RAB3C: variants seen among roughly 807,000 people sequenced by gnomAD.
RAB3C encodes ras-related protein Rab-3C.
Under a neutral mutation model 26.4 loss-of-function variants are expected in RAB3C, and 17 were observed. That is an observed-to-expected ratio of 0.64 (90% CI 0.44 to 0.97). The LOEUF (loss-of-function observed/expected upper bound fraction) is 0.97. Ranked by LOEUF, RAB3C falls within the 50% of genes least tolerant of loss-of-function variation. RAB3C has a pLI of 0.00. For missense variants in RAB3C, 242 were observed against 281.9 expected (o/e 0.86, Z 1.01); for synonymous variants, 91 against 95.9 (o/e 0.95, Z 0.30).
chr5:58,698,142 T>A (rs760752089), intron 2 of RAB3C, among the ~76,000 whole-genome samples: 7 of 152,168 alleles, frequency 4.6e-5, no homozygotes, highest in Non-Finnish European at 1.0e-4. Context: ...TCTCTGAGCA[T>A]TTGCTTGTCT....
intron 2 of RAB3C, among the ~76,000 whole-genome samples, chr5:58,668,191 C>T (rs10078211): frequency 0.17 from 25,906 of 152,116 alleles, 2,301 homozygotes; most frequent in African/African-American, 0.2. Flanking sequence ...TGTTAAAAAT[C>T]TGTCTGTGCT....
intron 4 of RAB3C, among the ~76,000 whole-genome samples, chr5:58,828,840 G>A (rs1743546644): frequency 1.1e-5 from 1 of 94,130 alleles, no homozygotes; most frequent in Non-Finnish European, 2.4e-5. Context: ...GTTTGGAGAG[G>A]GTAGGGAATT....
chr5:58,631,739 G>T (rs1260208480), intron 2 of RAB3C, among the ~76,000 whole-genome samples: 1 of 152,188 alleles, frequency 6.6e-6, no homozygotes, highest in East Asian at 1.9e-4. Flanking sequence ...GTTTTTTGGG[G>T]TTTTTCCTCT....
chr5:58,823,577 A>C (rs1247385320), intron 3 of RAB3C: 1 of 195,260 alleles, frequency 5.1e-6, no homozygotes, highest in African/African-American at 2.3e-5. Flanking sequence ...AAGAGAATCC[A>C]AACTATGAGA....
chr5:58,604,758 A>C (rs1746525044), intron 1 of RAB3C, among the ~76,000 whole-genome samples: 1 of 152,166 alleles, frequency 6.6e-6, no homozygotes, highest in East Asian at 1.9e-4. Context: ...AAAAGGCTTT[A>C]GTTCTTCCCC....
At chr5:58,690,678 G>C (rs1255328343) in intron 2 of RAB3C, among the ~76,000 whole-genome samples, 1 of 152,084 alleles carries the variant, frequency 6.6e-6, no homozygotes, top group African/African-American at 2.4e-5. Context: ...CCTCTGGAAA[G>C]TAAAAAACTT....
rs764970383 is a variant in RAB3C, at chr5:58,779,269, A to G, written c.372-45769A>G. Among the ~76,000 whole-genome samples the G allele has an allele frequency of 3.4e-4, 51 of 151,720 alleles. 1 individual carries two copies. Among genetic ancestry groups the G allele is most frequent in the Admixed American group, 1.1e-3 (17 of 15,206 alleles). On this transcript the variant is annotated intron_variant, in intron 3 of 4. Coordinates refer to ENST00000282878, the MANE Select transcript of RAB3C (RefSeq NM_138453.4). ...GCTCTAAGTATCTGTAACAACTCCA[A>G]AAAAGGAACTTGTAGACTTTTCAAG...
At chr5:58,724,625 C>G (rs1330789335) in intron 2 of RAB3C, among the ~76,000 whole-genome samples, 1 of 151,506 alleles carries the variant, frequency 6.6e-6, no homozygotes, top group Non-Finnish European at 1.5e-5. Flanking sequence ...TTTCTATAGT[C>G]AGATGCTGCT....
At chr5:58,823,658 G>A (rs1245457447) in intron 3 of RAB3C, 1 of 209,704 alleles carries the variant, frequency 4.8e-6, no homozygotes, top group Non-Finnish European at 1.0e-5. Context: ...AGAAAGATCA[G>A]GTAGCTCAAA....
chr5:58,653,039 G>A (rs189698792), intron 2 of RAB3C, among the ~76,000 whole-genome samples: 227 of 152,152 alleles, frequency 1.5e-3, no homozygotes, highest in African/African-American at 5.3e-3. Context: ...TGTTACATAG[G>A]TATACATGTG....
At chr5:58,637,720 A>G (rs571548876) in intron 2 of RAB3C, among the ~76,000 whole-genome samples, 2 of 152,274 alleles carry the variant, frequency 1.3e-5, no homozygotes, top group African/African-American at 4.8e-5. Flanking sequence ...AAAAGTACAT[A>G]TGTTCATTGT....
chr5:58,849,396 G>T (rs1166811860), intron 4 of RAB3C, among the ~76,000 whole-genome samples: 1 of 152,056 alleles, frequency 6.6e-6, no homozygotes, highest in Non-Finnish European at 1.5e-5. Flanking sequence ...TGATATCTTA[G>T]CAACAAGGAT....
At chr5:58,623,839 T>C (rs1470427885) in intron 2 of RAB3C, among the ~76,000 whole-genome samples, 2 of 152,144 alleles carry the variant, frequency 1.3e-5, no homozygotes, top group Non-Finnish European at 2.9e-5. Context: ...AGCAGGGACT[T>C]TGGAGTCTGG....
chr5:58,809,257 T>C (rs962848240), intron 3 of RAB3C, among the ~76,000 whole-genome samples: 8 of 152,148 alleles, frequency 5.3e-5, no homozygotes, highest in Non-Finnish European at 4.4e-5. Context: ...TGGAGAACTG[T>C]GGCTGTCTCT....
At chr5:58,730,523 ACTGGTCTCCAAGTG>A (rs1233726675) in intron 3 of RAB3C, among the ~76,000 whole-genome samples, 4 of 152,072 alleles carry the variant, frequency 2.6e-5, no homozygotes, top group African/African-American at 9.6e-5. Context: ...TCTTTAAATT[ACTGGTCTCCAAGTG>A]CTGATCTTAA....
intron 1 of RAB3C, among the ~76,000 whole-genome samples, chr5:58,602,724 G>C (rs544312773): frequency 6.6e-6 from 1 of 152,254 alleles, no homozygotes; most frequent in South Asian, 2.1e-4. Flanking sequence ...AAGTTTATGT[G>C]AGTCCTTATG....
chr5:58,827,912 A>G (rs2112063163), intron 4 of RAB3C, among the ~76,000 whole-genome samples: 1 of 152,334 alleles, frequency 6.6e-6, no homozygotes, highest in South Asian at 2.1e-4. Flanking sequence ...TTTATTCTTC[A>G]GAATACCATC....
chr5:58,837,081 C>G (rs1593028), intron 4 of RAB3C, among the ~76,000 whole-genome samples: 88,844 of 152,060 alleles, frequency 0.58, 26,167 homozygotes, highest in Middle Eastern at 0.71. Flanking sequence ...ATCCTAACTA[C>G]GGTGAGATAG....
At position 58,648,568 on chromosome 5, in the gene RAB3C, A is replaced by G. The variant is rs112762082; in HGVS notation, c.252+30698A>G. On this transcript the variant is annotated intron_variant, in intron 2 of 4. Coordinates refer to ENST00000282878, the MANE Select transcript of RAB3C (RefSeq NM_138453.4). ...TTCTCCTGTTTCTTGAAAAGATTTT[A>G]CCACAAGATCTGGAAACTTGTTTCT... Among the ~76,000 whole-genome samples, 1,309 of 152,314 alleles carry G rather than the reference A, an allele frequency of 8.6e-3. 16 individuals are homozygous for G. The highest frequency in any genetic ancestry group is 0.03 in the African/African-American group (1,253 of 41,576).
Sources: gnomAD v4.1 joint callset for allele counts (sites outside exome capture counted in the v4.1 genomes callset) on GRCh38, gnomAD v4.1.1 for gene constraint, MANE v1.5 for transcripts, NCBI Gene and HGNC (gene_info 2026-07-23, HGNC 2026-07-21) for gene names.